The following SHISA8 variants were observed in gnomAD, a reference collection of about 807,000 sequenced individuals.
SHISA8 encodes the protein protein shisa-8.
A neutral mutation model predicts 21.1 loss-of-function variants in SHISA8; 21 were observed. That is an observed-to-expected ratio of 0.99 (90% CI 0.71 to 1.43). The LOEUF (loss-of-function observed/expected upper bound fraction) is 1.43. Ranked by LOEUF, SHISA8 falls within the 40% of genes most tolerant of loss-of-function variation. SHISA8 has a pLI of 0.00. For synonymous variants in SHISA8, 300 were observed against 291.4 expected (o/e 1.03, Z -0.30); for missense variants, 535 against 599.1 (o/e 0.89, Z 1.12).
rs982906592 is a variant in SHISA8, at chr22:41,910,161, G to A, written c.812-14C>T. The stretch of plus-strand genomic sequence containing the variant: ...GCGGGGCGGCCTCTGCGGGGACAGG[G>A]CAGGGAAGAGTGACGCCGCGCCGAG... On this transcript the variant is annotated splice_polypyrimidine_tract_variant and intron_variant, in intron 3 of 3. Transcript: ENST00000621082. The surrounding 1 kb of genome is among the most constrained non-coding windows in gnomAD (Gnocchi z 6.8). The A allele has an allele frequency of 2.4e-6, 3 of 1,233,784 alleles. No homozygotes were observed. Among genetic ancestry groups the A allele is most frequent in the East Asian group, 3.2e-5 (1 of 31,066 alleles). 76.4% of individuals were successfully genotyped at this position (1,233,784 alleles called of 1,614,324 possible).
At position 41,910,317 on chromosome 22, in the gene SHISA8, G is replaced by A; in HGVS notation, c.811+91C>T. 1.1e-5 allele frequency: 14 copies of A among 1,250,042 alleles called. No individual in the cohort carries two copies. Among genetic ancestry groups the A allele is most frequent in the Non-Finnish European group, 1.4e-5 (14 of 996,276 alleles). 77.4% of individuals were successfully genotyped at this position (1,250,042 alleles called of 1,614,324 possible). A position where few individuals can be genotyped will look rare whatever the true frequency, so the allele number is the denominator to read the frequency against. ...CCGAGCGGCGGGCGCGCGGAACTGG[G>A]AATTTGGCGCTTGGAGCTGCGGCCC... On this transcript the variant is annotated intron_variant, in intron 3 of 3. Transcript: ENST00000621082. This position sits in a 1 kb window ranked among gnomAD's most constrained non-coding sequence, Gnocchi z 6.8.
chr22:41,914,197 G>T lies in SHISA8; in HGVS notation c.471C>A (p.Ile157=). ...GVAALLVLAG[I]GARLGLERAH... ...CCCTCTCCAGTCCCAGGCGCGCCCC[G>T]ATGCCGGCCAGCACCAGCAGCGCTG... The change falls in exon 1 of 4, where the codon ATC becomes ATA. Residue 157 remains isoleucine, a synonymous_variant. Coordinates refer to ENST00000621082, the MANE Select transcript of SHISA8 (RefSeq NM_001207020.3). This position sits in a 1 kb window ranked among gnomAD's most constrained non-coding sequence, Gnocchi z 6.8. 1 of 1,466,702 alleles carries T rather than the reference G, an allele frequency of 6.8e-7. No homozygotes were observed. The highest frequency in any genetic ancestry group is 8.9e-7 in the Non-Finnish European group (1 of 1,118,170). 90.9% of individuals were successfully genotyped at this position (1,466,702 alleles called of 1,614,324 possible).
chr22:41,912,368 G>T (rs972318730), intron 1 of SHISA8, among the ~76,000 whole-genome samples: 1 of 152,224 alleles, frequency 6.6e-6, no homozygotes, highest in Non-Finnish European at 1.5e-5. Flanking sequence ...CATTCAGGAG[G>T]CAGGACACCA....
In SHISA8 at chr22:41,914,798, TG is replaced by T. The variant is rs1177293500; in HGVS notation, c.-132del. The T allele has an allele frequency of 1.5e-6, 1 of 670,156 alleles. No individual in the cohort carries two copies. The highest frequency in any genetic ancestry group is 1.8e-6 in the Non-Finnish European group (1 of 541,154). 41.5% of individuals were successfully genotyped at this position (670,156 alleles called of 1,614,324 possible). ...CGCCGCCTCGGCCGTCGGCCTCCTC[TG>T]GGGACCCCAGCCCCGAGTGGGCTGG... On this transcript the variant is annotated 5_prime_UTR_variant, in exon 1 of 4. Transcript: ENST00000621082. The surrounding 1 kb of genome is among the most constrained non-coding windows in gnomAD (Gnocchi z 6.8).
chr22:41,912,021 G>T (rs961877823), intron 1 of SHISA8, among the ~76,000 whole-genome samples: 1 of 152,214 alleles, frequency 6.6e-6, no homozygotes, highest in African/African-American at 2.4e-5. Context: ...GTGAGCCACC[G>T]CGCCCGGCCC....
At position 41,909,653 on chromosome 22, in the gene SHISA8, T is replaced by C; in HGVS notation, c.*112A>G. On this transcript the variant is annotated 3_prime_UTR_variant, in exon 4 of 4. Transcript: ENST00000621082. ...GCAGGCTCCAAGACACCACTGCCGT[T>C]GAGGCAGACAGAAGAGCTGGCCTTA... 2.3e-6 allele frequency: 3 copies of C among 1,307,068 alleles called. No homozygotes were observed. In the South Asian group the frequency reaches 6.4e-5, roughly 28 times the overall value. The allele number at this position is 1,307,068 out of a possible 1,614,324, so 81.0% of individuals were successfully genotyped here.
chr22:41,914,315 C>T lies in SHISA8; in HGVS notation c.353G>A (p.Gly118Asp). The change falls in exon 1 of 4, where the codon GGC (glycine) becomes GAC (aspartate). Residue 118 changes from glycine to aspartate, a missense_variant. Transcript: ENST00000621082. The surrounding 1 kb of genome is among the most constrained non-coding windows in gnomAD (Gnocchi z 6.8). ...NYDTPAWVQT[G>D]RPPARARDTA... ...GTCGCGGGCGCGGGCGGGCGGCCGG[C>T]CTGTCTGGACCCAGGCCGGCGTGTC... is the stretch of plus-strand genomic sequence containing the variant. 2 of 1,220,440 alleles carry T rather than the reference C, an allele frequency of 1.6e-6. No individual in the cohort carries two copies. The highest frequency in any genetic ancestry group is 2.0e-6 in the Non-Finnish European group (2 of 982,312). 75.6% of individuals were successfully genotyped at this position (1,220,440 alleles called of 1,614,324 possible).
Position 41,914,143 on chromosome 22 carries a change from C to A in SHISA8, c.525G>T (p.Val175=). Residue 175 remains valine (V), a synonymous_variant, in exon 1 of 4, where the codon GTG becomes GTT. Coordinates refer to ENST00000621082, the MANE Select transcript of SHISA8 (RefSeq NM_001207020.3). This position sits in a 1 kb window ranked among gnomAD's most constrained non-coding sequence, Gnocchi z 6.8. ...RAHSPRARRT[V]TRALTELLKQ... ...CCTGGGCGGCGCGTGCTCACCTGGT[C>A]ACTGTGCGCCGCGCGCGCGGGCTGT... 7.0e-7 allele frequency: 1 copy of A among 1,434,476 alleles called. No individual in the cohort carries two copies. The highest frequency in any genetic ancestry group is 1.4e-5 in the South Asian group (1 of 69,668). 88.9% of individuals were successfully genotyped at this position (1,434,476 alleles called of 1,614,324 possible). A position where few individuals can be genotyped will look rare whatever the true frequency, so the allele number is the denominator to read the frequency against.
In SHISA8 at chr22:41,914,132, G is replaced by A. The variant is rs2077568860; in HGVS notation, c.530+6C>T. The A allele has an allele frequency of 2.1e-6, 3 of 1,409,644 alleles. No homozygotes were observed. Among genetic ancestry groups the A allele is most frequent in the Non-Finnish European group, 2.7e-6 (3 of 1,093,452 alleles). The allele number at this position is 1,409,644 out of a possible 1,614,324, so 87.3% of individuals were successfully genotyped here. ...AGGCGGGGGTCCCTGGGCGGCGCGTGCTCACCTGGTCACTGTGCGCCGCGC... is the reference window on the plus strand; with the variant it reads ...AGGCGGGGGTCCCTGGGCGGCGCGTACTCACCTGGTCACTGTGCGCCGCGC... On this transcript the variant is annotated splice_donor_region_variant and intron_variant, in intron 1 of 3. Coordinates refer to ENST00000621082, the MANE Select transcript of SHISA8 (RefSeq NM_001207020.3). The surrounding 1 kb of genome is among the most constrained non-coding windows in gnomAD (Gnocchi z 6.8).
Position 41,909,645 on chromosome 22 carries a change from A to T in SHISA8, c.*120T>A. On this transcript the variant is annotated 3_prime_UTR_variant, in exon 4 of 4. Coordinates refer to ENST00000621082, the MANE Select transcript of SHISA8 (RefSeq NM_001207020.3). ...CGCGGCCTGCAGGCTCCAAGACACC[A>T]CTGCCGTTGAGGCAGACAGAAGAGC... 1 of 1,279,626 alleles carries T rather than the reference A, an allele frequency of 7.8e-7. No homozygotes were observed. The highest frequency in any genetic ancestry group is 1.0e-6 in the Non-Finnish European group (1 of 999,580). The allele number at this position is 1,279,626 out of a possible 1,614,324, so 79.3% of individuals were successfully genotyped here. A position where few individuals can be genotyped will look rare whatever the true frequency, so the allele number is the denominator to read the frequency against.
At chr22:41,913,646 G>A (rs61603876) in intron 1 of SHISA8, among the ~76,000 whole-genome samples, 10,183 of 152,198 alleles carry the variant, frequency 0.067, 362 homozygotes, top group Non-Finnish European at 0.079. Flanking sequence ...AACCCAAGGA[G>A]GGAAGGGCAG....
Position 41,910,523 on chromosome 22 carries a change from C to A in SHISA8, c.696G>T (p.Gly232=). 1.6e-6 allele frequency: 2 copies of A among 1,245,228 alleles called. No individual in the cohort carries two copies. The highest frequency in any genetic ancestry group is 1.0e-6 in the Non-Finnish European group (1 of 998,542). The allele number at this position is 1,245,228 out of a possible 1,614,324, so 77.1% of individuals were successfully genotyped here. The stretch of plus-strand genomic sequence containing the variant: ...CGCGCGGGGGCCCCGGGGCGGCCGA[C>A]CCCCGGGGCGCGTTGTTGAGGCGCT... The part of the protein sequence containing the change: ...DKKRLNNAPR[G]SAAPGPPRGP... Residue 232 remains glycine, a synonymous_variant, in exon 3 of 4, where the codon GGG becomes GGT. Coordinates refer to ENST00000621082, the MANE Select transcript of SHISA8 (RefSeq NM_001207020.3). This position sits in a 1 kb window ranked among gnomAD's most constrained non-coding sequence, Gnocchi z 6.8.
Position 41,910,566 on chromosome 22 carries a change from A to C in SHISA8, c.665-12T>G. 1 of 1,221,356 alleles carries C rather than the reference A, an allele frequency of 8.2e-7. No individual in the cohort carries two copies. The highest frequency in any genetic ancestry group is 1.0e-6 in the Non-Finnish European group (1 of 981,066). The allele number at this position is 1,221,356 out of a possible 1,614,324, so 75.7% of individuals were successfully genotyped here. A position where few individuals can be genotyped will look rare whatever the true frequency, so the allele number is the denominator to read the frequency against. ...GAGGCGCTTCTTGTCTGGAGCGAGG[A>C]GTGAGACGCGGCTCGGTCCGATGCC... On this transcript the variant is annotated splice_polypyrimidine_tract_variant and intron_variant, in intron 2 of 3. Transcript: ENST00000621082. The surrounding 1 kb of genome is among the most constrained non-coding windows in gnomAD (Gnocchi z 6.8).
chr22:41,910,217 C>CGGCCGGGGACTGGGACGGGGACCG lies in SHISA8; in HGVS notation c.812-94_812-71dup. 2 of 1,223,444 alleles carry CGGCCGGGGACTGGGACGGGGACCG rather than the reference C, an allele frequency of 1.6e-6. No homozygotes were observed. Among genetic ancestry groups the CGGCCGGGGACTGGGACGGGGACCG allele is most frequent in the Non-Finnish European group, 2.0e-6 (2 of 983,136 alleles). 75.8% of individuals were successfully genotyped at this position (1,223,444 alleles called of 1,614,324 possible). A position where few individuals can be genotyped will look rare whatever the true frequency, so the allele number is the denominator to read the frequency against. On this transcript the variant is annotated intron_variant, in intron 3 of 3. Coordinates refer to ENST00000621082, the MANE Select transcript of SHISA8 (RefSeq NM_001207020.3). This position sits in a 1 kb window ranked among gnomAD's most constrained non-coding sequence, Gnocchi z 6.8. Reference sequence around the variant, plus strand: ...AAGCTCAGGACTGGACAAGGGGTCCCGGCCGGGGACTGGGACGGGGACCGG... The same window carrying CGGCCGGGGACTGGGACGGGGACCG: ...AAGCTCAGGACTGGACAAGGGGTCCCGGCCGGGGACTGGGACGGGGACCGGGCCGGGGACTGGGACGGGGACCGG...
At position 41,910,359 on chromosome 22, in the gene SHISA8, G is replaced by A; in HGVS notation, c.811+49C>T. On this transcript the variant is annotated intron_variant, in intron 3 of 3. Transcript: ENST00000621082. The surrounding 1 kb of genome is among the most constrained non-coding windows in gnomAD (Gnocchi z 6.8). ...CTGCGGCCCCGCGCTTCGCAGTCCG[G>A]GAGCTCGTGCGCCCAGGTGCCCTGA... The A allele has an allele frequency of 7.9e-7, 1 of 1,267,774 alleles. No individual in the cohort carries two copies. Among genetic ancestry groups the A allele is most frequent in the Admixed American group, 4.6e-5 (1 of 21,866 alleles). 78.5% of individuals were successfully genotyped at this position (1,267,774 alleles called of 1,614,324 possible). A position where few individuals can be genotyped will look rare whatever the true frequency, so the allele number is the denominator to read the frequency against.
At position 41,911,290 on chromosome 22, in the gene SHISA8, C is replaced by G. The variant is rs1192109253; in HGVS notation, c.590G>C (p.Gly197Ala). ...GPQEPLPPTL[G>A]PPLGGCVQVQ... ...CTGGACACAGCCACCCAGGGGTGGG[C>G]CCAGGGTGGGAGGCAGTGGCTCCTG... The change falls in exon 2 of 4, where the codon GGC (glycine) becomes GCC (alanine). Residue 197 changes from glycine to alanine, a missense_variant. By Grantham distance (60) the Gly-to-Ala change is moderately conservative. Coordinates refer to ENST00000621082, the MANE Select transcript of SHISA8 (RefSeq NM_001207020.3). 2.6e-5 allele frequency: 32 copies of G among 1,254,750 alleles called. No individual in the cohort carries two copies. The highest frequency in any genetic ancestry group is 3.0e-5 in the Non-Finnish European group (30 of 999,164). 77.7% of individuals were successfully genotyped at this position (1,254,750 alleles called of 1,614,324 possible). A position where few individuals can be genotyped will look rare whatever the true frequency, so the allele number is the denominator to read the frequency against.
rs901812674 is a variant in SHISA8, at chr22:41,909,856, G to A, written c.1103C>T (p.Thr368Ile). 1 of 1,530,568 alleles carries A rather than the reference G, an allele frequency of 6.5e-7. No homozygotes were observed. The highest frequency in any genetic ancestry group is 8.7e-7 in the Non-Finnish European group (1 of 1,144,562). 94.8% of individuals were successfully genotyped at this position (1,530,568 alleles called of 1,614,324 possible). Residue 368 changes from threonine to isoleucine, a missense_variant, in exon 4 of 4, where the codon ACC becomes ATC. Transcript: ENST00000621082. ...AAGGCCGGGGAGCTGCGGGTTGAAG[G>A]TCTCAGGCATCTTCACACTGAACTG... ...RRQFSVKMPE[T>I]FNPQLPGLYG... is the part of the protein sequence containing the mutation.
Position 41,909,662 on chromosome 22 carries a change from C to G in SHISA8, c.*103G>C. ...AAGACACCACTGCCGTTGAGGCAGA[C>G]AGAAGAGCTGGCCTTACGGCAGGCG... On this transcript the variant is annotated 3_prime_UTR_variant, in exon 4 of 4. Transcript: ENST00000621082. The G allele has an allele frequency of 7.6e-7, 1 of 1,323,006 alleles. No homozygotes were observed. Among genetic ancestry groups the G allele is most frequent in the South Asian group, 2.1e-5 (1 of 48,388 alleles). 82.0% of individuals were successfully genotyped at this position (1,323,006 alleles called of 1,614,324 possible). A position where few individuals can be genotyped will look rare whatever the true frequency, so the allele number is the denominator to read the frequency against.
rs1325609409 is a variant in SHISA8, at chr22:41,914,601, C to A, written c.67G>T (p.Ala23Ser). 2.7e-6 allele frequency: 3 copies of A among 1,097,924 alleles called. No individual in the cohort carries two copies. The highest frequency in any genetic ancestry group is 3.3e-6 in the Non-Finnish European group (3 of 905,492). The allele number at this position is 1,097,924 out of a possible 1,614,324, so 68.0% of individuals were successfully genotyped here. ...GCCAGCAGCAACGCGAGCCGAAGCG[C>A]GAGCGCGAGCCGGAGGCCGGGAGGA... ...RRPPGLRLALALRLALLLARP... is the reference protein window; with the variant it reads ...RRPPGLRLALSLRLALLLARP... The change falls in exon 1 of 4, where the codon GCG becomes TCG. Residue 23 changes from alanine to serine, a missense_variant. Coordinates refer to ENST00000621082, the MANE Select transcript of SHISA8 (RefSeq NM_001207020.3). The surrounding 1 kb of genome is among the most constrained non-coding windows in gnomAD (Gnocchi z 6.8).
Sources: allele counts gnomAD v4.1 joint callset (sites outside exome capture counted in the v4.1 genomes callset), GRCh38; gene constraint gnomAD v4.1.1; non-coding constraint Gnocchi (gnomAD v3.1); transcripts MANE v1.5; gene names NCBI Gene and HGNC (gene_info 2026-07-23, HGNC 2026-07-21).